The following THAP12 variants were observed in gnomAD, a reference collection of about 807,000 sequenced individuals.
The protein encoded by THAP12 is THAP domain containing 12, also known as 52 kDa repressor of the inhibitor of the protein kinase.
THAP12 carries 20 observed loss-of-function variants against 63.0 expected under a neutral mutation model. That is an observed-to-expected ratio of 0.32 (90% CI 0.22 to 0.46). The LOEUF is 0.46. Ranked by LOEUF, THAP12 falls within the 20% of genes least tolerant of loss-of-function variation. The pLI, the probability that THAP12 is intolerant of heterozygous loss-of-function variation, is 1.00. For missense variants in THAP12, 568 were observed against 908.2 expected, an observed-to-expected ratio of 0.63 and a Z score of 4.81; for synonymous variants, 264 against 328.4, an observed-to-expected ratio of 0.80 and a Z score of 2.12.
intron 2 of THAP12, among the ~76,000 whole-genome samples, chr11:76,361,858 C>T (rs1946599809): frequency 6.6e-6 from 1 of 152,162 alleles, no homozygotes; most frequent in Non-Finnish European, 1.5e-5. Context: ...TACAAAACTT[C>T]TAAAATAAAA....
chr11:76,362,835 A>T (rs1030616202), intron 2 of THAP12, among the ~76,000 whole-genome samples: 3 of 152,258 alleles, frequency 2.0e-5, no homozygotes, highest in Admixed American at 6.5e-5. Context: ...AATGAAAAAA[A>T]TGACATTTTA....
chr11:76,353,847 A>G (rs1471092386), intron 4 of THAP12, among the ~76,000 whole-genome samples: 1 of 152,214 alleles, frequency 6.6e-6, no homozygotes, highest in Non-Finnish European at 1.5e-5. Flanking sequence ...CATCTCTACT[A>G]AAAATACAAA....
chr11:76,360,931 G>A (rs1364199475), intron 3 of THAP12, 25 bp downstream of exon 3: 1 of 1,479,436 alleles, frequency 6.8e-7, no homozygotes, highest in Admixed American at 1.7e-5. Context: ...GGGAAGGTGG[G>A]AAAGCTGAAA....
chr11:76,362,910 G>C (rs1565233230), intron 2 of THAP12, among the ~76,000 whole-genome samples: 2 of 152,204 alleles, frequency 1.3e-5, no homozygotes, highest in African/African-American at 4.8e-5. Context: ...GGGAGGCCTT[G>C]GCCGGGTAGA....
intron 1 of THAP12, among the ~76,000 whole-genome samples, chr11:76,370,085 T>C (rs576198981): frequency 1.2e-4 from 19 of 152,314 alleles, no homozygotes; most frequent in African/African-American, 4.6e-4. Context: ...AAGAGGCTAC[T>C]GAGGTGCTGC....
Position 76,351,701 on chromosome 11 carries a change from A to G in THAP12, c.1449T>C (p.Ile483=), listed in dbSNP as rs1946528048. 6.2e-7 allele frequency: 1 copy of G among 1,602,730 alleles called. No homozygotes were observed. Among genetic ancestry groups the G allele is most frequent in the Non-Finnish European group, 8.5e-7 (1 of 1,175,430 alleles). ...AAGATAGGACATTTTTAAGAACAAC[A>G]ATAGTAACAATGAAATCAAAATCTG... ...AVSDFDFIVT[I]VVLKNVLSFT... The change falls in exon 5 of 5, where the codon ATT becomes ATC. Residue 483 remains isoleucine, a synonymous_variant. Coordinates refer to ENST00000260045, the MANE Select transcript of THAP12 (RefSeq NM_004705.4).
chr11:76,375,239 G>A (rs569752997), intron 1 of THAP12, among the ~76,000 whole-genome samples: 1 of 152,098 alleles, frequency 6.6e-6, no homozygotes, highest in Non-Finnish European at 1.5e-5. Context: ...GGAGGAAGAA[G>A]AGAGCTTCAA....
chr11:76,374,786 G>A (rs1434762506), intron 1 of THAP12, among the ~76,000 whole-genome samples: 2 of 152,170 alleles, frequency 1.3e-5, no homozygotes, highest in Admixed American at 1.3e-4. Context: ...GATTGCTATG[G>A]TCTGAATGTC....
chr11:76,364,545 CT>C, intron 2 of THAP12: 1 of 242,158 alleles, frequency 4.1e-6, no homozygotes, highest in South Asian at 3.8e-5. Context: ...TGAAACAAGT[CT>C]GCTTCATTTC....
At chr11:76,353,901 C>T (rs1055279570) in intron 4 of THAP12, among the ~76,000 whole-genome samples, 32 of 152,192 alleles carry the variant, frequency 2.1e-4, no homozygotes, top group South Asian at 8.3e-4. Flanking sequence ...CCCAGCTACT[C>T]GGGAGGCTGA....
chr11:76,364,567 G>A, intron 2 of THAP12: 2 of 237,646 alleles, frequency 8.4e-6, no homozygotes, highest in Non-Finnish European at 1.7e-5. Context: ...AATCAAATTT[G>A]CCTTATTTGT....
At position 76,351,269 on chromosome 11, in the gene THAP12, C is replaced by T. The variant is rs1331831233; in HGVS notation, c.1881G>A (p.Met627Ile). Residue 627 changes from methionine to isoleucine, a missense_variant, in exon 5 of 5, where the codon ATG becomes ATA. Transcript: ENST00000260045. The stretch of plus-strand genomic sequence containing the variant: ...CAGGATTGGGTAAGTCACTTCTATA[C>T]ATGTCAGCATGGTGTTCCTCCGACG... ...FNTSEEHHAD[M>I]YRSDLPNPDT... 2 of 1,567,306 alleles carry T rather than the reference C, an allele frequency of 1.3e-6. No homozygotes were observed. Among genetic ancestry groups the T allele is most frequent in the Admixed American group, 3.6e-5 (2 of 56,122 alleles).
In THAP12 at chr11:76,352,596, C is replaced by A. The variant is rs771943348; in HGVS notation, c.554G>T (p.Gly185Val). The change falls in exon 5 of 5, where the codon GGA becomes GTA. Residue 185 changes from glycine to valine, a missense_variant. Physicochemically the swap from Gly to Val is moderately radical, Grantham distance 109 (BLOSUM62 -3). Transcript: ENST00000260045. Reference sequence around the variant, plus strand: ...TTCTGGGATTTCATCAGCCTCATGTCCATCCAGAGGTATGTTTTGCTTTCC... The same window carrying A: ...TTCTGGGATTTCATCAGCCTCATGTACATCCAGAGGTATGTTTTGCTTTCC... ...LMGKQNIPLD[G>V]HEADEIPEGL... The A allele has an allele frequency of 6.2e-7, 1 of 1,611,888 alleles. No homozygotes were observed. The highest frequency in any genetic ancestry group is 1.7e-5 in the Admixed American group (1 of 60,006).
intron 1 of THAP12, among the ~76,000 whole-genome samples, chr11:76,375,062 T>C (rs1386064653): frequency 1.3e-5 from 2 of 152,176 alleles, no homozygotes; most frequent in Admixed American, 6.5e-5. Context: ...TAGTCTAAGG[T>C]ATTTTGTTAT....
chr11:76,365,477 T>C (rs944259765), intron 2 of THAP12, among the ~76,000 whole-genome samples: 1 of 151,952 alleles, frequency 6.6e-6, no homozygotes, highest in African/African-American at 2.4e-5. Context: ...CCCGACGTCA[T>C]GGGCTCAAGT....
chr11:76,362,744 A>G (rs1946605958), intron 2 of THAP12, among the ~76,000 whole-genome samples: 1 of 152,370 alleles, frequency 6.6e-6, no homozygotes, highest in South Asian at 2.1e-4. Flanking sequence ...ACATTTTAAC[A>G]AATTTTTAAA....
intron 1 of THAP12, among the ~76,000 whole-genome samples, chr11:76,377,103 C>T (rs1359707704): frequency 6.6e-6 from 1 of 152,188 alleles, no homozygotes; most frequent in Non-Finnish European, 1.5e-5. Context: ...TCTTTGCTCA[C>T]TCCTTAGATA....
intron 3 of THAP12, chr11:76,357,226 T>C (rs1946567600): frequency 2.0e-5 from 3 of 152,140 alleles, no homozygotes; most frequent in African/African-American, 2.4e-5. Context: ...ACTACACCAC[T>C]GTATATAAGG....
In THAP12 at chr11:76,352,448, C is replaced by T. The variant is rs543644630; in HGVS notation, c.702G>A (p.Gln234=). Residue 234 remains glutamine, a synonymous_variant, in exon 5 of 5, where the codon CAG becomes CAA. Coordinates refer to ENST00000260045, the MANE Select transcript of THAP12 (RefSeq NM_004705.4). ...AVNTLFCSKT[Q]QRQMLEICES... ...CACAGATCTCTAGCATCTGCCTCTG[C>T]TGTGTTTTTGAACAAAACAACGTGT... 3.5e-5 allele frequency: 56 copies of T among 1,611,972 alleles called. No individual in the cohort carries two copies. The East Asian group carries it at 6.9e-4, about 20-fold the overall frequency.
Sources: allele counts gnomAD v4.1 joint callset (sites outside exome capture counted in the v4.1 genomes callset), GRCh38; gene constraint gnomAD v4.1.1; transcripts MANE v1.5; gene names NCBI Gene and HGNC (gene_info 2026-07-23, HGNC 2026-07-21).